Variants in EPHA4 observed in about 807,000 individuals in gnomAD.
EPHA4 encodes the protein ephrin type-A receptor 4.
In EPHA4, 19 loss-of-function variants were observed where a neutral mutation model predicts 108.3. That is an observed-to-expected ratio of 0.18 (90% CI 0.12 to 0.26). EPHA4 has a LOEUF of 0.26. Among genes scored for constraint, EPHA4 ranks in the 10% least tolerant of loss-of-function variants. The probability of loss-of-function intolerance (pLI) is 1.00; values close to 1 mark genes in which losing one functional copy is unlikely to be tolerated. For missense variants in EPHA4, 917 were observed against 1,254.0 expected (o/e 0.73, Z 4.06); for synonymous variants, 449 against 455.5 (o/e 0.99, Z 0.18).
chr2:221,542,850 T>G lies in EPHA4; in HGVS notation c.823+20881A>C, dbSNP rs895074412. On this transcript the variant is annotated intron_variant, in intron 3 of 17. Transcript: ENST00000281821. ...AAAACAAGTGTTAAAATTAATTGAT[T>G]TTTTAGAATGAAAAGAAAGGCTTTG... is the stretch of plus-strand genomic sequence containing the variant. 5.3e-5 allele frequency among the ~76,000 whole-genome samples: 8 copies of G among 152,288 alleles called. No individual in the cohort carries two copies. In the South Asian group the frequency reaches 1.7e-3, roughly 32 times the overall value.
chr2:221,497,770 T>C (rs1692342297), intron 4 of EPHA4, among the ~76,000 whole-genome samples: 1 of 151,834 alleles, frequency 6.6e-6, no homozygotes, highest in Admixed American at 6.6e-5. Flanking sequence ...AGTAAAGTAA[T>C]GCACAAGACC....
At position 221,419,608 on chromosome 2, in the gene EPHA4, C is replaced by G. The variant is rs1444118506; in HGVS notation, c.*1764G>C. On this transcript the variant is annotated 3_prime_UTR_variant, in exon 18 of 18. Coordinates refer to ENST00000281821, the MANE Select transcript of EPHA4 (RefSeq NM_004438.5). ...AACTGATGATTCAGATGAGTTCAAT[C>G]AGAAAATTTGTAATTTTGATGATGG... is the stretch of plus-strand genomic sequence containing the variant. 6.6e-6 allele frequency: 1 copy of G among 152,608 alleles called. No individual in the cohort carries two copies. Among genetic ancestry groups the G allele is most frequent in the Non-Finnish European group, 1.5e-5 (1 of 68,042 alleles). The allele number at this position is 152,608 out of a possible 1,614,324, so 9.5% of individuals were successfully genotyped here.
intron 3 of EPHA4, among the ~76,000 whole-genome samples, chr2:221,525,661 A>G (rs1488120228): frequency 6.6e-6 from 1 of 152,218 alleles, no homozygotes; most frequent in Non-Finnish European, 1.5e-5. Context: ...TAAGTGAGGA[A>G]TAATAATAAG....
intron 2 of EPHA4, 133 bp downstream of exon 2, chr2:221,568,585 A>G (rs1694736827): frequency 3.2e-5 from 18 of 567,408 alleles, no homozygotes; most frequent in Non-Finnish European, 4.9e-5. Context: ...ACAAAGCGTA[A>G]TTCACTTCAT....
At chr2:221,472,629 TAAAC>T (rs3999718) in intron 5 of EPHA4, among the ~76,000 whole-genome samples, 3,532 of 152,284 alleles carry the variant, frequency 0.023, 87 homozygotes, top group East Asian at 0.081. Flanking sequence ...TTGAAAGTGA[TAAAC>T]AAACTGCCTG....
intron 3 of EPHA4, among the ~76,000 whole-genome samples, chr2:221,521,135 G>C (rs538768891): frequency 6.6e-6 from 1 of 152,266 alleles, no homozygotes; most frequent in Admixed American, 6.5e-5. Flanking sequence ...GATAATTCTT[G>C]TAAGAATTCT....
intron 14 of EPHA4, among the ~76,000 whole-genome samples, chr2:221,432,451 C>T (rs562235950): frequency 2.0e-5 from 3 of 152,118 alleles, no homozygotes; most frequent in Admixed American, 2.0e-4. Flanking sequence ...ATGCTATTCC[C>T]CTCCATAGTC....
chr2:221,546,517 A>G (rs1195140274), intron 3 of EPHA4, among the ~76,000 whole-genome samples: 2 of 151,200 alleles, frequency 1.3e-5, no homozygotes, highest in Non-Finnish European at 2.9e-5. Context: ...TTTATTATAT[A>G]TTTTATTAAT....
At chr2:221,553,111 T>C (rs1264409910) in intron 3 of EPHA4, among the ~76,000 whole-genome samples, 3 of 152,232 alleles carry the variant, frequency 2.0e-5, no homozygotes, top group African/African-American at 7.2e-5. Flanking sequence ...TTGTTATCAG[T>C]TTATTATTTC....
At chr2:221,550,893 C>G (rs1402423535) in intron 3 of EPHA4, among the ~76,000 whole-genome samples, 1 of 150,300 alleles carries the variant, frequency 6.7e-6, no homozygotes, top group Non-Finnish European at 1.5e-5. Context: ...ATACAACAAA[C>G]CAAAAAAGCA....
rs1199915615 is a variant in EPHA4 at position 221,455,721 on chromosome 2, T to A, written c.1604-63A>T. ...AGTCTTAGGAGGTAGAACTTCTGAA[T>A]GGGTCACAGTTTTCAGTGTTCTGAA... On this transcript the variant is annotated intron_variant, in intron 7 of 17. Coordinates refer to ENST00000281821, the MANE Select transcript of EPHA4 (RefSeq NM_004438.5). 1.0e-5 allele frequency: 12 copies of A among 1,204,034 alleles called. No homozygotes were observed. In the Middle Eastern group the frequency reaches 5.6e-4, roughly 56 times the overall value. 74.6% of individuals were successfully genotyped at this position (1,204,034 alleles called of 1,614,324 possible).
Position 221,547,042 on chromosome 2 carries a change from G to A in EPHA4, c.823+16689C>T, listed in dbSNP as rs146006369. On this transcript the variant is annotated intron_variant, in intron 3 of 17. Transcript: ENST00000281821. Reference sequence around the variant, plus strand: ...GTGAGTCATTTCCACTGAAGCCACAGGTAGCAATACAACAGGGGAAGGTGA... The same window carrying A: ...GTGAGTCATTTCCACTGAAGCCACAAGTAGCAATACAACAGGGGAAGGTGA... Among the ~76,000 whole-genome samples, 248 of 152,330 alleles carry A rather than the reference G, an allele frequency of 1.6e-3. 2 individuals carry two copies. The highest frequency in any genetic ancestry group is 5.7e-3 in the African/African-American group (238 of 41,574).
At chr2:221,509,429 C>T (rs1243357247) in intron 3 of EPHA4, among the ~76,000 whole-genome samples, 1 of 152,204 alleles carries the variant, frequency 6.6e-6, no homozygotes, top group African/African-American at 2.4e-5. Flanking sequence ...ATGATTGCAT[C>T]ACCAGAAATT....
rs550364928 is a variant in EPHA4, at chr2:221,535,418, T to G, written c.823+28313A>C. 1.7e-4 allele frequency among the ~76,000 whole-genome samples: 26 copies of G among 152,354 alleles called. 1 individual carries two copies. The highest frequency in any genetic ancestry group is 6.3e-4 in the African/African-American group (26 of 41,580). ...ACTTACCTTCCACTAAGTTATCTTA[T>G]GCCATTCTTACAGCTACTAAAAGTA... On this transcript the variant is annotated intron_variant, in intron 3 of 17. Transcript: ENST00000281821.
intron 4 of EPHA4, among the ~76,000 whole-genome samples, chr2:221,491,386 C>T (rs1294708605): frequency 1.3e-5 from 2 of 152,132 alleles, no homozygotes; most frequent in African/African-American, 4.8e-5. Context: ...TTATTGTTCA[C>T]AACAATCTGA....
chr2:221,427,867 TTC>T (rs1365928207), intron 15 of EPHA4, among the ~76,000 whole-genome samples: 4 of 151,392 alleles, frequency 2.6e-5, no homozygotes, highest in Non-Finnish European at 2.9e-5. Context: ...CTTGTATTAT[TTC>T]TTTTTTATAT....
chr2:221,445,852 C>A (rs942629673), intron 9 of EPHA4, among the ~76,000 whole-genome samples: 10 of 151,970 alleles, frequency 6.6e-5, no homozygotes, highest in African/African-American at 2.4e-4. Flanking sequence ...CAACAATGAG[C>A]CAGCTAGACT....
chr2:221,431,987 T>C (rs965508028), intron 14 of EPHA4, among the ~76,000 whole-genome samples: 10 of 152,316 alleles, frequency 6.6e-5, no homozygotes, highest in African/African-American at 2.2e-4. Flanking sequence ...TATTGATTCC[T>C]GTTCTACATA....
intron 4 of EPHA4, among the ~76,000 whole-genome samples, chr2:221,499,660 C>A (rs1692410734): frequency 7.5e-6 from 1 of 132,548 alleles, no homozygotes. Flanking sequence ...GGCCAAAATA[C>A]CATTTATAGT....
Sources: allele counts gnomAD v4.1 joint callset (sites outside exome capture counted in the v4.1 genomes callset), GRCh38; gene constraint gnomAD v4.1.1; transcripts MANE v1.5; gene names NCBI Gene and HGNC (gene_info 2026-07-23, HGNC 2026-07-21).